Variants in LEPR observed in about 807,000 individuals in gnomAD.
The protein encoded by LEPR is OB receptor.
A neutral mutation model predicts 114.7 loss-of-function variants in LEPR; 56 were observed. The observed-to-expected ratio is 0.49, with a 90% CI of 0.39 to 0.61. The LOEUF (loss-of-function observed/expected upper bound fraction) is 0.61. LEPR is among the 20% of genes least tolerant of loss of function. The probability of loss-of-function intolerance (pLI) is 0.00; values close to 1 mark genes in which losing one functional copy is unlikely to be tolerated. For synonymous variants in LEPR, 443 were observed against 461.4 expected (o/e 0.96, Z 0.51); for missense variants, 1,202 against 1,352.9 (o/e 0.89, Z 1.75).
chr1:65,453,200 A>G lies in LEPR; in HGVS notation c.-21+27822A>G, dbSNP rs544226034. On this transcript the variant is annotated intron_variant, in intron 2 of 19. Transcript: ENST00000349533. ...TCTTTATTAGTCTTGTTAGCAGTCT[A>G]TCAATTTTGTTGATCCTTTCAAAAA... 5.3e-5 allele frequency among the ~76,000 whole-genome samples: 8 copies of G among 152,150 alleles called. No individual in the cohort carries two copies. In the East Asian group the frequency reaches 1.5e-3, roughly 29 times the overall value.
At chr1:65,555,620 G>A (rs1245019908) in intron 2 of LEPR, among the ~76,000 whole-genome samples, 1 of 152,162 alleles carries the variant, frequency 6.6e-6, no homozygotes, top group Non-Finnish European at 1.5e-5. Flanking sequence ...GGTCTACACT[G>A]CTCAAATCTG....
intron 2 of LEPR, among the ~76,000 whole-genome samples, chr1:65,518,917 CTCTCTT>C (rs1424746310): frequency 0.058 from 4,335 of 75,190 alleles, 72 homozygotes; most frequent in Non-Finnish European, 0.069. Flanking sequence ...TTCTTTCTTT[CTCTCTT>C]TCTCTGTTTC....
At chr1:65,577,720 G>A in intron 5 of LEPR, 1 of 173,816 alleles carries the variant, frequency 5.8e-6, no homozygotes. Context: ...GCTTCGAACT[G>A]TGGCTCTAGT....
At chr1:65,421,387 C>A (rs1189921341) in intron 1 of LEPR, 2 of 1,535,946 alleles carry the variant, frequency 1.3e-6, no homozygotes, top group Non-Finnish European at 1.7e-6. Context: ...GTAAAAACAC[C>A]GCGTCCCTTA....
At chr1:65,503,673 A>T (rs1029028805) in intron 2 of LEPR, among the ~76,000 whole-genome samples, 3 of 152,268 alleles carry the variant, frequency 2.0e-5, no homozygotes, top group Middle Eastern at 3.4e-3. Context: ...AGAAGGCAAG[A>T]ATGATTCATA....
intron 9 of LEPR, 62 bp from the exon 10 acceptor site, chr1:65,601,781 T>G: frequency 1.3e-6 from 2 of 1,583,532 alleles, no homozygotes; most frequent in Non-Finnish European, 8.6e-7. Context: ...AAGAAAAAAT[T>G]TTTTTCATTG....
chr1:65,558,327 T>G (rs1362045591), intron 2 of LEPR, among the ~76,000 whole-genome samples: 2 of 152,122 alleles, frequency 1.3e-5, no homozygotes, highest in African/African-American at 2.4e-5. Flanking sequence ...AAACTTGTAG[T>G]GTGAAAAACA....
At chr1:65,516,018 AT>A (rs1649267150) in intron 2 of LEPR, among the ~76,000 whole-genome samples, 1 of 152,124 alleles carries the variant, frequency 6.6e-6, no homozygotes, top group South Asian at 2.1e-4. Context: ...CTTATTAGCT[AT>A]TTGGTTTAAC....
At position 65,504,483 on chromosome 1, in the gene LEPR, C is replaced by G. The variant is rs994972637; in HGVS notation, c.-20-61063C>G. On this transcript the variant is annotated intron_variant, in intron 2 of 19. Coordinates refer to ENST00000349533, the MANE Select transcript of LEPR (RefSeq NM_002303.6). ...ATGCAATGGAAATGACACTTAACTTCTGTGGTCTTCCTCTGCATGTAACAA... is the reference window on the plus strand; with the variant it reads ...ATGCAATGGAAATGACACTTAACTTGTGTGGTCTTCCTCTGCATGTAACAA... 9.2e-5 allele frequency among the ~76,000 whole-genome samples: 14 copies of G among 152,206 alleles called. 1 individual carries two copies. Among genetic ancestry groups the G allele is most frequent in the African/African-American group, 3.4e-4 (14 of 41,460 alleles).
At chr1:65,455,299 T>C (rs1350619394) in intron 2 of LEPR, among the ~76,000 whole-genome samples, 28 of 152,246 alleles carry the variant, frequency 1.8e-4, no homozygotes, top group Non-Finnish European at 1.9e-4. Context: ...AGTCATTCTC[T>C]GTCCAGCTTT....
chr1:65,574,974 A>G (rs1305877591), intron 5 of LEPR, among the ~76,000 whole-genome samples: 1 of 152,150 alleles, frequency 6.6e-6, no homozygotes, highest in African/African-American at 2.4e-5. Flanking sequence ...GCTGATCTTT[A>G]TGCTAGTTCC....
chr1:65,627,433 T>G (rs1658283373), intron 19 of LEPR, among the ~76,000 whole-genome samples: 1 of 152,118 alleles, frequency 6.6e-6, no homozygotes, highest in Non-Finnish European at 1.5e-5. Flanking sequence ...AGATGCCCAG[T>G]AGGATGGCTA....
chr1:65,441,722 A>G (rs1295528631), intron 2 of LEPR, among the ~76,000 whole-genome samples: 1 of 152,206 alleles, frequency 6.6e-6, no homozygotes, highest in Non-Finnish European at 1.5e-5. Context: ...TGGAGAAGAA[A>G]TCCAGGGAAA....
Position 65,420,754 on chromosome 1 carries a change from C to T in LEPR, c.-97+14C>T, listed in dbSNP as rs1286692582. On this transcript the variant is annotated intron_variant, in intron 1 of 19. Coordinates refer to ENST00000349533, the MANE Select transcript of LEPR (RefSeq NM_002303.6). Reference sequence around the variant, plus strand: ...CGGGCGTTAAAGGTACATCGCGGTCCCCGGCTCGCTTGTCGTGTGGTGGGG... The same window carrying T: ...CGGGCGTTAAAGGTACATCGCGGTCTCCGGCTCGCTTGTCGTGTGGTGGGG... 6 of 1,578,538 alleles carry T rather than the reference C, an allele frequency of 3.8e-6. No individual in the cohort carries two copies. The highest frequency in any genetic ancestry group is 4.3e-6 in the Non-Finnish European group (5 of 1,164,182).
chr1:65,424,992 A>G (rs1380848218), intron 1 of LEPR, among the ~76,000 whole-genome samples: 1 of 152,200 alleles, frequency 6.6e-6, no homozygotes, highest in African/African-American at 2.4e-5. Context: ...ATGTAACCTC[A>G]ATAAAATGAG....
chr1:65,604,722 G>A (rs1656698093), intron 10 of LEPR, among the ~76,000 whole-genome samples: 1 of 152,236 alleles, frequency 6.6e-6, no homozygotes, highest in Non-Finnish European at 1.5e-5. Flanking sequence ...TGAGAGAGCA[G>A]CATTACCACC....
At chr1:65,568,646 T>A (rs1322901842) in intron 3 of LEPR, among the ~76,000 whole-genome samples, 1 of 152,142 alleles carries the variant, frequency 6.6e-6, no homozygotes, top group Non-Finnish European at 1.5e-5. Flanking sequence ...TGACCGCAGG[T>A]GTCTTTTTGT....
At chr1:65,586,938 A>G (rs1007213104) in intron 5 of LEPR, among the ~76,000 whole-genome samples, 1 of 152,100 alleles carries the variant, frequency 6.6e-6, no homozygotes, top group African/African-American at 2.4e-5. Context: ...AACAAAATGA[A>G]AAAGAGATTG....
At chr1:65,535,863 A>T (rs1338174852) in intron 2 of LEPR, among the ~76,000 whole-genome samples, 1 of 152,142 alleles carries the variant, frequency 6.6e-6, no homozygotes, top group African/African-American at 2.4e-5. Context: ...CTCATTTATT[A>T]ATACTTACAA....
Sources: gnomAD v4.1 joint callset for allele counts (sites outside exome capture counted in the v4.1 genomes callset) on GRCh38, gnomAD v4.1.1 for gene constraint, MANE v1.5 for transcripts, NCBI Gene and HGNC (gene_info 2026-07-23, HGNC 2026-07-21) for gene names.